ZNF710: variants seen among roughly 807,000 people sequenced by gnomAD.
The protein encoded by ZNF710 is zinc finger protein 710.
Under a neutral mutation model 50.6 loss-of-function variants are expected in ZNF710, and 13 were observed. The ratio of observed to expected loss-of-function variants is 0.26; its 90% CI spans 0.17 to 0.41. The LOEUF is 0.41. ZNF710 is among the 10% of genes least tolerant of loss of function. The pLI is 1.00. For synonymous variants in ZNF710, 383 were observed against 397.0 expected (o/e 0.96, Z 0.42); for missense variants, 721 against 936.6 (o/e 0.77, Z 3.01).
At chr15:90,076,026 CCCCCAGAGT>C (rs541743597) in intron 4 of ZNF710, 1 of 152,292 alleles carries the variant, frequency 6.6e-6, no homozygotes, top group East Asian at 1.9e-4. Flanking sequence ...GCTGGCCCCA[CCCCCAGAGT>C]TTCTGATTCA....
intron 4 of ZNF710, among the ~76,000 whole-genome samples, chr15:90,078,984 T>A (rs1900658142): frequency 6.6e-6 from 1 of 152,222 alleles, no homozygotes; most frequent in South Asian, 2.1e-4. Flanking sequence ...TTGCCTGACA[T>A]ATCTTTATGA....
Position 90,034,207 on chromosome 15 carries a change from G to GAA in ZNF710, c.-29+32596_-29+32597dup, listed in dbSNP as rs532774757. 0.023 allele frequency among the ~76,000 whole-genome samples: 3,435 copies of GAA among 147,232 alleles called. 156 individuals carry two copies. Among genetic ancestry groups the GAA allele is most frequent in the African/African-American group, 0.079 (3,076 of 38,744 alleles). On this transcript the variant is annotated intron_variant, in intron 1 of 4. Transcript: ENST00000268154. This position sits in a 1 kb window ranked among gnomAD's most constrained non-coding sequence, Gnocchi z 4.0. ...AGTGAGACTCTGTCTCAAAAAAAAA[G>GAA]AAAAGAAAAGAAAAGAAAAGAAAAC...
upstream of ZNF710, among the ~76,000 whole-genome samples, chr15:89,999,937 A>G (rs1163961435): frequency 1.3e-5 from 2 of 151,576 alleles, no homozygotes; most frequent in African/African-American, 2.4e-5. Context: ...AAGGAAGGGA[A>G]GAGGGAGGGG....
rs1900254066 is a variant in ZNF710 at position 90,068,209 on chromosome 15, A to G, written c.1072A>G (p.Lys358Glu). The change falls in exon 2 of 5, where the codon AAG becomes GAG. Residue 358 changes from lysine to glutamate, a missense_variant. By Grantham distance (56) the Lys-to-Glu change is moderately conservative. This residue lies in a region of ZNF710 where 326 missense variants were observed against 522.0 expected (regional missense o/e 0.62). Coordinates refer to ENST00000268154, the MANE Select transcript of ZNF710 (RefSeq NM_198526.4). This position sits in a 1 kb window ranked among gnomAD's most constrained non-coding sequence, Gnocchi z 5.0. ...TRPHKCQVCH[K>E]AFTQTSHLKR... ...GCCCCACAAGTGCCAGGTATGCCAC[A>G]AGGCCTTCACGCAGACCAGCCACCT... is the stretch of plus-strand genomic sequence containing the variant. 6.2e-7 allele frequency: 1 copy of G among 1,613,776 alleles called. No individual in the cohort carries two copies. The highest frequency in any genetic ancestry group is 1.3e-5 in the African/African-American group (1 of 74,942).
At chr15:90,002,521 C>A (rs1898040193) in intron 1 of ZNF710, 1 of 152,258 alleles carries the variant, frequency 6.6e-6, no homozygotes, top group African/African-American at 2.4e-5. Flanking sequence ...GGCGTGAGCA[C>A]CAGCGTCAGA....
chr15:90,067,319 C>A lies in ZNF710; in HGVS notation c.182C>A (p.Pro61Gln). 1 of 1,607,326 alleles carries A rather than the reference C, an allele frequency of 6.2e-7. No homozygotes were observed. The highest frequency in any genetic ancestry group is 2.2e-5 in the East Asian group (1 of 44,566). ...LSGAAMGEPE[P>Q]PGPDVYQLAC... ...GGGGCAGCCATGGGAGAGCCCGAGCCACCAGGCCCCGACGTCTACCAGCTG... is the reference window on the plus strand; with the variant it reads ...GGGGCAGCCATGGGAGAGCCCGAGCAACCAGGCCCCGACGTCTACCAGCTG... The change falls in exon 2 of 5, where the codon CCA becomes CAA. Residue 61 changes from proline (P) to glutamine (Q), a missense_variant. By Grantham distance (76) the Pro-to-Gln change is moderately conservative. Around this residue, in one of 3 missense-constraint regions of ZNF710, gnomAD observed 326 missense variants for 347.1 expected, o/e 0.94. Coordinates refer to ENST00000268154, the MANE Select transcript of ZNF710 (RefSeq NM_198526.4). The surrounding 1 kb of genome is among the most constrained non-coding windows in gnomAD (Gnocchi z 8.1).
At position 90,073,279 on chromosome 15, in the gene ZNF710, C is replaced by T; in HGVS notation, c.1650+17C>T. The T allele has an allele frequency of 2.5e-6, 4 of 1,607,016 alleles. No homozygotes were observed. The highest frequency in any genetic ancestry group is 1.1e-5 in the South Asian group (1 of 90,818). Reference sequence around the variant, plus strand: ...AAATGCAAGGTACCCGGTCATCAGGCCCCGGGGCTGGGACCTCCCCGAGGG... The same window carrying T: ...AAATGCAAGGTACCCGGTCATCAGGTCCCGGGGCTGGGACCTCCCCGAGGG... On this transcript the variant is annotated intron_variant, in intron 3 of 4. Transcript: ENST00000268154.
intron 1 of ZNF710, among the ~76,000 whole-genome samples, chr15:90,027,097 C>T (rs1898801685): frequency 6.6e-6 from 1 of 152,250 alleles, no homozygotes; most frequent in African/African-American, 2.4e-5. Flanking sequence ...GTACAATTTA[C>T]CCTCTGCCAA....
chr15:90,013,914 A>AC (rs1898381029), intron 1 of ZNF710, among the ~76,000 whole-genome samples: 1 of 151,936 alleles, frequency 6.6e-6, no homozygotes, highest in Non-Finnish European at 1.5e-5. Context: ...ACACGTTCGG[A>AC]CCCCACACTG....
chr15:90,074,502 G>C, intron 4 of ZNF710: 1 of 1,512,974 alleles, frequency 6.6e-7, no homozygotes, highest in Non-Finnish European at 8.8e-7. Context: ...ATGAGATCAC[G>C]TAAACAATAT....
At chr15:90,029,473 A>G (rs886389142) in intron 1 of ZNF710, among the ~76,000 whole-genome samples, 1 of 152,156 alleles carries the variant, frequency 6.6e-6, no homozygotes, top group Non-Finnish European at 1.5e-5. Flanking sequence ...GGGACTTTCA[A>G]ACTTGATAAT....
intron 1 of ZNF710, among the ~76,000 whole-genome samples, chr15:90,057,926 C>A (rs1425859876): frequency 2.0e-5 from 3 of 152,250 alleles, no homozygotes; most frequent in African/African-American, 7.2e-5. Context: ...CAAAATAGTT[C>A]ATGCCTCGAC....
At chr15:90,070,369 G>GA (rs894552649) in intron 2 of ZNF710, among the ~76,000 whole-genome samples, 1,388 of 136,118 alleles carry the variant, frequency 0.01, 18 homozygotes, top group African/African-American at 0.036. Context: ...TTTTTTTTAA[G>GA]AAAAAAAAAA....
Position 90,020,792 on chromosome 15 carries a change from T to A in ZNF710, c.-29+19178T>A, listed in dbSNP as rs115319111. 3.1e-3 allele frequency among the ~76,000 whole-genome samples: 478 copies of A among 152,232 alleles called. 3 individuals carry two copies. Among genetic ancestry groups the A allele is most frequent in the African/African-American group, 0.011 (457 of 41,554 alleles). On this transcript the variant is annotated intron_variant, in intron 1 of 4. Coordinates refer to ENST00000268154, the MANE Select transcript of ZNF710 (RefSeq NM_198526.4). The stretch of plus-strand genomic sequence containing the variant: ...GATCTCTTATCTGCCCGGTCCTCCC[T>A]CTCCTCCCTGAATGGCGGGTCCCCC...
In ZNF710 at chr15:90,067,346, C is replaced by T; in HGVS notation, c.209C>T (p.Ala70Val). The T allele has an allele frequency of 6.2e-7, 1 of 1,600,488 alleles. No individual in the cohort carries two copies. The highest frequency in any genetic ancestry group is 1.3e-5 in the African/African-American group (1 of 74,814). Residue 70 changes from alanine to valine, a missense_variant, in exon 2 of 5, where the codon GCC becomes GTC. By Grantham distance (64) the Ala-to-Val change is moderately conservative (BLOSUM62 0). Around this residue, in one of 3 missense-constraint regions of ZNF710, gnomAD observed 326 missense variants for 347.1 expected, o/e 0.94. Transcript: ENST00000268154. The surrounding 1 kb of genome is among the most constrained non-coding windows in gnomAD (Gnocchi z 8.1). ...CCAGGCCCCGACGTCTACCAGCTGG[C>T]CTGCAACGGGAGGGCCTTGGAGGAG... ...EPPGPDVYQL[A>V]CNGRALEEPA...
chr15:89,999,487 T>C (rs1596256605), upstream of ZNF710, among the ~76,000 whole-genome samples: 2 of 152,310 alleles, frequency 1.3e-5, no homozygotes, highest in South Asian at 2.1e-4. Flanking sequence ...TGTGGTTTCC[T>C]GCAGACCTGG....
Position 90,068,096 on chromosome 15 carries a change from T to C in ZNF710, c.959T>C (p.Ile320Thr). The change falls in exon 2 of 5, where the codon ATC becomes ACC. Residue 320 changes from isoleucine (I) to threonine (T), a missense_variant. This residue lies in a region of ZNF710 where 326 missense variants were observed against 522.0 expected (regional missense o/e 0.62). Coordinates refer to ENST00000268154, the MANE Select transcript of ZNF710 (RefSeq NM_198526.4). This position sits in a 1 kb window ranked among gnomAD's most constrained non-coding sequence, Gnocchi z 5.0. ...ACGCACATCCTGGGCCACAACGGCA[T>C]CAAGCCACACTCGTGCCCACACTGC... is the stretch of plus-strand genomic sequence containing the variant. Reference protein sequence around the residue: ...LVTHILGHNGIKPHSCPHCSK... With the variant: ...LVTHILGHNGTKPHSCPHCSK... 1 of 1,614,220 alleles carries C rather than the reference T, an allele frequency of 6.2e-7. No individual in the cohort carries two copies. Among genetic ancestry groups the C allele is most frequent in the South Asian group, 1.1e-5 (1 of 91,088 alleles).
intron 1 of ZNF710, among the ~76,000 whole-genome samples, chr15:90,008,293 G>T (rs1422222137): frequency 6.6e-6 from 1 of 150,604 alleles, no homozygotes; most frequent in Admixed American, 6.6e-5. Context: ...CATTCATTTT[G>T]TGTTGTTTGA....
chr15:90,032,159 A>G (rs941285529), intron 1 of ZNF710, among the ~76,000 whole-genome samples: 2 of 152,116 alleles, frequency 1.3e-5, no homozygotes, highest in Non-Finnish European at 2.9e-5. Context: ...CACCACGCCT[A>G]GCTAATTTTT....
Sources: gnomAD v4.1 joint callset for allele counts (sites outside exome capture counted in the v4.1 genomes callset) on GRCh38, gnomAD v4.1.1 for gene constraint, gnomAD v4.1.1 regional missense constraint, Gnocchi (gnomAD v3.1) non-coding constraint, MANE v1.5 for transcripts, NCBI Gene and HGNC (gene_info 2026-07-23, HGNC 2026-07-21) for gene names.